The following ZNF385B variants were observed in gnomAD, a reference collection of about 807,000 sequenced individuals.
ZNF385B encodes the protein zinc finger protein 385B, also known as zinc finger protein 533.
A neutral mutation model predicts 39.2 loss-of-function variants in ZNF385B; 23 were observed. The observed-to-expected ratio is 0.59, with a 90% CI of 0.42 to 0.83. ZNF385B has a LOEUF of 0.83. Ranked by LOEUF, ZNF385B falls within the 40% of genes least tolerant of loss-of-function variation. The probability of loss-of-function intolerance (pLI) is 0.00; values close to 1 mark genes in which losing one functional copy is unlikely to be tolerated. For synonymous variants in ZNF385B, 205 were observed against 222.6 expected (o/e 0.92, Z 0.70); for missense variants, 552 against 598.9 (o/e 0.92, Z 0.82).
intron 4 of ZNF385B, among the ~76,000 whole-genome samples, chr2:179,528,815 C>A (rs1266274086): frequency 1.3e-5 from 2 of 152,184 alleles, no homozygotes; most frequent in Non-Finnish European, 2.9e-5. Context: ...CAAATATGGT[C>A]AGTCCAAATG....
chr2:179,487,415 A>G lies in ZNF385B; in HGVS notation c.553-3981T>C, dbSNP rs1203680069. On this transcript the variant is annotated intron_variant, in intron 5 of 9. Coordinates refer to ENST00000410066, the MANE Select transcript of ZNF385B (RefSeq NM_152520.6). ...CTCCTGTGGTATTCTTAGTAGTGGC[A>G]CTTTGCTATCCCTAGTACTGTGTCT... 4.6e-5 allele frequency among the ~76,000 whole-genome samples: 7 copies of G among 152,364 alleles called. No individual in the cohort carries two copies. The East Asian group carries it at 1.3e-3, about 29-fold the overall frequency.
intron 3 of ZNF385B, among the ~76,000 whole-genome samples, chr2:179,703,346 C>T (rs11885327): frequency 0.33 from 49,638 of 152,098 alleles, 9,013 homozygotes; most frequent in East Asian, 0.52. Context: ...CAGACTTGCC[C>T]TCCCAGCCTG....
At chr2:179,568,397 T>C (rs1684836141) in intron 3 of ZNF385B, among the ~76,000 whole-genome samples, 1 of 152,228 alleles carries the variant, frequency 6.6e-6, no homozygotes, top group Non-Finnish European at 1.5e-5. Flanking sequence ...GGATAAAAAC[T>C]ATATTCCCAG....
chr2:179,723,210 G>GC (rs1384071279), intron 3 of ZNF385B, among the ~76,000 whole-genome samples: 2 of 151,888 alleles, frequency 1.3e-5, no homozygotes, highest in African/African-American at 4.8e-5. Flanking sequence ...CAGTATTCTG[G>GC]GGCTATAGCA....
chr2:179,516,543 T>C (rs2058101531), intron 5 of ZNF385B, among the ~76,000 whole-genome samples: 1 of 152,078 alleles, frequency 6.6e-6, no homozygotes, highest in Admixed American at 6.6e-5. Flanking sequence ...ATGTTGAGCA[T>C]TTTTTTATGT....
intron 6 of ZNF385B, among the ~76,000 whole-genome samples, chr2:179,472,067 G>A (rs2052833894): frequency 6.6e-6 from 1 of 152,120 alleles, no homozygotes. Context: ...CCTTGGTATA[G>A]AATCCGGGAA....
Position 179,728,507 on chromosome 2 carries a change from T to C in ZNF385B, c.298+40996A>G, listed in dbSNP as rs115513486. ...GTGTTCTTTCCACCACACCATGACC[T>C]CTTTTATATGGAAGAGAGCAGTGAG... On this transcript the variant is annotated intron_variant, in intron 3 of 9. Transcript: ENST00000410066. 8.8e-3 allele frequency among the ~76,000 whole-genome samples: 1,334 copies of C among 152,292 alleles called. 21 individuals are homozygous for C. The highest frequency in any genetic ancestry group is 0.03 in the African/African-American group (1,261 of 41,568).
At chr2:179,460,072 C>T (rs554549711) in intron 6 of ZNF385B, among the ~76,000 whole-genome samples, 39 of 151,920 alleles carry the variant, frequency 2.6e-4, no homozygotes, top group Non-Finnish European at 3.8e-4. Context: ...CCACTGCACT[C>T]CAGCCTGGGC....
chr2:179,572,661 T>A (rs1470755098), intron 3 of ZNF385B, among the ~76,000 whole-genome samples: 1 of 152,126 alleles, frequency 6.6e-6, no homozygotes, highest in African/African-American at 2.4e-5. Flanking sequence ...GGGCCTATCA[T>A]GGAGAAAGAA....
intron 3 of ZNF385B, among the ~76,000 whole-genome samples, chr2:179,706,538 A>G (rs1699614619): frequency 1.3e-5 from 2 of 152,136 alleles, no homozygotes; most frequent in South Asian, 2.1e-4. Flanking sequence ...ATCCATGTCT[A>G]TGTGGGTCTC....
intron 1 of ZNF385B, among the ~76,000 whole-genome samples, chr2:179,827,411 A>T (rs934627326): frequency 6.6e-6 from 1 of 152,206 alleles, no homozygotes; most frequent in Non-Finnish European, 1.5e-5. Flanking sequence ...CTCTTCTATT[A>T]ATTCAAATAT....
intron 2 of ZNF385B, among the ~76,000 whole-genome samples, chr2:179,770,285 A>G (rs1467018560): frequency 6.6e-6 from 1 of 152,216 alleles, no homozygotes; most frequent in Non-Finnish European, 1.5e-5. Flanking sequence ...CTATGAGGAC[A>G]GTCACCTCGT....
intron 3 of ZNF385B, among the ~76,000 whole-genome samples, chr2:179,557,988 C>G (rs1574789827): frequency 6.6e-6 from 1 of 152,146 alleles, no homozygotes; most frequent in East Asian, 1.9e-4. Flanking sequence ...TTTAACCATA[C>G]TGTTTTGATC....
At chr2:179,556,606 G>A (rs566075999) in intron 3 of ZNF385B, among the ~76,000 whole-genome samples, 43 of 149,628 alleles carry the variant, frequency 2.9e-4, no homozygotes, top group East Asian at 2.1e-3. Context: ...GTCTGAGGTC[G>A]AGAACGGATT....
intron 3 of ZNF385B, among the ~76,000 whole-genome samples, chr2:179,666,317 G>A (rs1695151210): frequency 6.6e-6 from 1 of 152,124 alleles, no homozygotes; most frequent in African/African-American, 2.4e-5. Context: ...TATCGTCTGA[G>A]AGGCATATGG....
chr2:179,719,136 C>T (rs1700520136), intron 3 of ZNF385B, among the ~76,000 whole-genome samples: 1 of 152,056 alleles, frequency 6.6e-6, no homozygotes, highest in South Asian at 2.1e-4. Context: ...CATGGACAAC[C>T]TAGTCTAGTA....
intron 3 of ZNF385B, among the ~76,000 whole-genome samples, chr2:179,592,536 C>A (rs777714621): frequency 2.6e-5 from 4 of 152,166 alleles, no homozygotes; most frequent in Non-Finnish European, 5.9e-5. Flanking sequence ...GAACTCACAG[C>A]AAATTCTACC....
intron 3 of ZNF385B, among the ~76,000 whole-genome samples, chr2:179,694,624 T>A (rs1174312763): frequency 6.6e-6 from 1 of 152,154 alleles, no homozygotes; most frequent in African/African-American, 2.4e-5. Context: ...AGTATAGTTA[T>A]AGGCTTTTGA....
intron 6 of ZNF385B, among the ~76,000 whole-genome samples, chr2:179,459,975 G>A (rs1187546601): frequency 2.0e-5 from 3 of 151,812 alleles, no homozygotes; most frequent in Admixed American, 6.6e-5. Flanking sequence ...ATGGTGGCAC[G>A]TGCCTGTAAT....
Sources: allele counts gnomAD v4.1 joint callset (sites outside exome capture counted in the v4.1 genomes callset), GRCh38; gene constraint gnomAD v4.1.1; transcripts MANE v1.5; gene names NCBI Gene and HGNC (gene_info 2026-07-23, HGNC 2026-07-21).